MEMO1: variants seen among roughly 807,000 people sequenced by gnomAD.
MEMO1 encodes the protein protein MEMO1.
In MEMO1, 6 loss-of-function variants were observed where a neutral mutation model predicts 45.2. The ratio of observed to expected loss-of-function variants is 0.13; its 90% CI spans 0.07 to 0.26. MEMO1 has a LOEUF of 0.26. Ranked by LOEUF, MEMO1 falls within the 10% of genes least tolerant of loss-of-function variation. The pLI is 1.00. For missense variants in MEMO1, 184 were observed against 370.5 expected, an observed-to-expected ratio of 0.50 and a Z score of 4.13; for synonymous variants, 78 against 124.3, an observed-to-expected ratio of 0.63 and a Z score of 2.48.
At chr2:31,973,754 A>G (rs533321902) in intron 2 of MEMO1, among the ~76,000 whole-genome samples, 186 of 152,350 alleles carry the variant, frequency 1.2e-3, no homozygotes, top group African/African-American at 4.1e-3. Context: ...TATGTAAAAT[A>G]TCCAAAATAG....
intron 3 of MEMO1, among the ~76,000 whole-genome samples, chr2:31,942,865 C>T (rs966531301): frequency 2.0e-5 from 3 of 152,220 alleles, no homozygotes; most frequent in African/African-American, 7.2e-5. Context: ...TGAAAACCCA[C>T]AAGAATTGTG....
At chr2:31,868,706 T>C (rs113623952) in intron 9 of MEMO1, among the ~76,000 whole-genome samples, 35 of 152,340 alleles carry the variant, frequency 2.3e-4, no homozygotes, top group African/African-American at 7.9e-4. Context: ...TGTTTTTTGA[T>C]AATTAAGTAT....
chr2:31,986,793 T>C (rs777042259), intron 2 of MEMO1, among the ~76,000 whole-genome samples: 1 of 152,174 alleles, frequency 6.6e-6, no homozygotes, highest in Non-Finnish European at 1.5e-5. Flanking sequence ...TTCACTGCTA[T>C]TCTATGTGCA....
At chr2:31,906,848 C>G (rs1002687526) in intron 6 of MEMO1, among the ~76,000 whole-genome samples, 42 of 152,152 alleles carry the variant, frequency 2.8e-4, no homozygotes, top group African/African-American at 9.6e-4. Flanking sequence ...GGTGGTGTTA[C>G]GTATGTGTGA....
At chr2:31,876,131 C>A (rs1210972433) in intron 8 of MEMO1, among the ~76,000 whole-genome samples, 3 of 152,208 alleles carry the variant, frequency 2.0e-5, no homozygotes, top group African/African-American at 7.2e-5. Flanking sequence ...CCTATATTAT[C>A]AGCTCCCTGC....
chr2:31,917,736 A>G (rs1681675647), intron 6 of MEMO1, among the ~76,000 whole-genome samples, 190 bp downstream of exon 6: 1 of 152,200 alleles, frequency 6.6e-6, no homozygotes, highest in Non-Finnish European at 1.5e-5. Flanking sequence ...CATCATGTCA[A>G]TTCGTATGTT....
intron 6 of MEMO1, among the ~76,000 whole-genome samples, chr2:31,914,951 T>G (rs1681201165): frequency 7.4e-6 from 1 of 135,250 alleles, no homozygotes; most frequent in Admixed American, 7.7e-5. Flanking sequence ...AATGAGACCC[T>G]GTCTCTTTTT....
At chr2:31,989,513 T>C (rs1403538743) in intron 2 of MEMO1, among the ~76,000 whole-genome samples, 2 of 152,178 alleles carry the variant, frequency 1.3e-5, no homozygotes, top group East Asian at 1.9e-4. Flanking sequence ...ATGCATGATG[T>C]TTGAAAATTC....
chr2:31,988,420 G>GC (rs1161293690), intron 2 of MEMO1, among the ~76,000 whole-genome samples: 1 of 152,090 alleles, frequency 6.6e-6, no homozygotes, highest in Non-Finnish European at 1.5e-5. Context: ...GGTGGCACAC[G>GC]CCTGTAATCC....
At chr2:31,954,309 C>A (rs1053173192) in intron 2 of MEMO1, among the ~76,000 whole-genome samples, 11 of 152,262 alleles carry the variant, frequency 7.2e-5, no homozygotes, top group African/African-American at 2.4e-4. Flanking sequence ...CTTGGCCAGG[C>A]TTTGTGGCTC....
At chr2:31,923,591 C>T in intron 4 of MEMO1, 4 of 1,499,564 alleles carry the variant, frequency 2.7e-6, no homozygotes, top group Non-Finnish European at 3.6e-6. Flanking sequence ...AGAATGGTAA[C>T]TCAGAAATGT....
At chr2:32,004,599 T>A (rs1406610808) in intron 2 of MEMO1, among the ~76,000 whole-genome samples, 1 of 152,072 alleles carries the variant, frequency 6.6e-6, no homozygotes, top group Non-Finnish European at 1.5e-5. Context: ...GTAAAACCAA[T>A]TTGCAAAACT....
chr2:31,963,070 T>C (rs1668210279), intron 2 of MEMO1: 1 of 1,351,306 alleles, frequency 7.4e-7, no homozygotes. Context: ...ACTGAAATAC[T>C]GGCTCTTCCT....
At chr2:31,943,537 A>C (rs140901516) in intron 2 of MEMO1, among the ~76,000 whole-genome samples, 154 bp from the exon 3 acceptor site, 1 of 152,314 alleles carries the variant, frequency 6.6e-6, no homozygotes, top group African/African-American at 2.4e-5. Context: ...GAATTTACCA[A>C]CTACACAGTC....
At chr2:31,888,238 T>A (rs979931570) in intron 7 of MEMO1, among the ~76,000 whole-genome samples, 4 of 152,074 alleles carry the variant, frequency 2.6e-5, no homozygotes, top group Non-Finnish European at 5.9e-5. Context: ...TAGATTCAAG[T>A]AATCCTCCTG....
intron 2 of MEMO1, among the ~76,000 whole-genome samples, chr2:31,996,481 T>A (rs1014069190): frequency 6.6e-6 from 1 of 151,308 alleles, no homozygotes; most frequent in South Asian, 2.1e-4. Context: ...CAGGCGGAGG[T>A]TGTAGTGAGC....
intron 6 of MEMO1, among the ~76,000 whole-genome samples, chr2:31,913,962 G>A (rs934641056): frequency 6.6e-6 from 1 of 152,130 alleles, no homozygotes; most frequent in Non-Finnish European, 1.5e-5. Context: ...GCCAGTTCTA[G>A]ACTTCGATAT....
At chr2:32,003,635 T>C (rs1267672604) in intron 2 of MEMO1, among the ~76,000 whole-genome samples, 1 of 152,130 alleles carries the variant, frequency 6.6e-6, no homozygotes, top group Non-Finnish European at 1.5e-5. Context: ...ACATGAAAGA[T>C]AAAAAGAGAA....
chr2:31,920,728 T>A (rs1318678485), intron 5 of MEMO1, 70 bp downstream of exon 5: 2 of 852,036 alleles, frequency 2.3e-6, no homozygotes, highest in African/African-American at 3.5e-5. Context: ...CATAAGTTTT[T>A]AAATTAATTT....
Sources: gnomAD v4.1 joint callset for allele counts (sites outside exome capture counted in the v4.1 genomes callset) on GRCh38, gnomAD v4.1.1 for gene constraint, MANE v1.5 for transcripts, NCBI Gene and HGNC (gene_info 2026-07-23, HGNC 2026-07-21) for gene names.